The following PLCH2 variants were observed in gnomAD, a reference collection of about 807,000 sequenced individuals.
The protein encoded by PLCH2 is phospholipase C eta 2.
A neutral mutation model predicts 134.7 loss-of-function variants in PLCH2; 98 were observed. That is an observed-to-expected ratio of 0.73 (90% CI 0.62 to 0.86). The LOEUF is 0.86. PLCH2 is among the 40% of genes least tolerant of loss of function. The pLI is 0.00. For missense variants in PLCH2, 1,994 were observed against 1,986.6 expected, an observed-to-expected ratio of 1.00 and a Z score of -0.07; for synonymous variants, 974 against 827.5, an observed-to-expected ratio of 1.18 and a Z score of -3.04.
exon 1 of PLCH2, chr1:2,467,615 C>T (rs1335746178): frequency 7.3e-6 from 3 of 411,582 alleles, no homozygotes; most frequent in South Asian, 1.6e-4. Flanking sequence ...TGGCACCCGC[C>T]GGCCATGGAA....
At chr1:2,467,598 C>T in exon 1 of PLCH2, 1 of 409,262 alleles carries the variant, frequency 2.4e-6, no homozygotes, top group Non-Finnish European at 4.3e-6. Context: ...GTGCCGGTAA[C>T]TGGGATTGGC....
At chr1:2,417,262 C>T in the PLCH2 span, among the ~76,000 whole-genome samples, 1 of 152,102 alleles carries the variant, frequency 6.6e-6, no homozygotes, top group Admixed American at 6.5e-5. Context: ...AACCAAGGGT[C>T]CCCCAAAAAG....
chr1:2,453,307 A>T (rs1640334876), intron 2 of PLCH2, among the ~76,000 whole-genome samples: 1 of 151,832 alleles, frequency 6.6e-6, no homozygotes, highest in East Asian at 1.9e-4. Context: ...GGAGGTGAAG[A>T]CCCCTGAGGC....
upstream of PLCH2, among the ~76,000 whole-genome samples, chr1:2,421,048 G>A (rs753869170): frequency 6.6e-6 from 1 of 150,982 alleles, no homozygotes; most frequent in African/African-American, 2.4e-5. Flanking sequence ...GGGTTCAATC[G>A]ATTTTCCTGC....
At chr1:2,489,947 G>A (rs182595061) in intron 10 of PLCH2, 80 bp downstream of exon 10, 11 of 1,063,828 alleles carry the variant, frequency 1.0e-5, no homozygotes, top group South Asian at 1.3e-5. Context: ...CTGTTGGGGC[G>A]AGTTAGAAAG....
At chr1:2,497,967 G>A in intron 16 of PLCH2, 1 of 291,490 alleles carries the variant, frequency 3.4e-6, no homozygotes, top group Non-Finnish European at 6.4e-6. Flanking sequence ...CTGGGTCTGG[G>A]CTGGGTGTTT....
intron 2 of PLCH2, among the ~76,000 whole-genome samples, chr1:2,459,554 TG>T (rs1640696482): frequency 7.5e-6 from 1 of 133,838 alleles, no homozygotes; most frequent in Non-Finnish European, 1.6e-5. Context: ...TCCTCCTTCC[TG>T]GTGGTCCTCC....
chr1:2,505,345 G>C lies in PLCH2; in HGVS notation c.*132G>C. 3.1e-6 allele frequency: 2 copies of C among 652,966 alleles called. No individual in the cohort carries two copies. The highest frequency in any genetic ancestry group is 5.1e-6 in the Non-Finnish European group (2 of 393,528). The allele number at this position is 652,966 out of a possible 1,614,324, so 40.4% of individuals were successfully genotyped here. On this transcript the variant is annotated 3_prime_UTR_variant, in exon 22 of 22. Transcript: ENST00000378486. ...GCTGCCCTGTGTCCCCTCCACCCCTGCCTCCCTCCTGCCCCTGCTCCCGGG... is the reference window on the plus strand; with the variant it reads ...GCTGCCCTGTGTCCCCTCCACCCCTCCCTCCCTCCTGCCCCTGCTCCCGGG...
intron 12 of PLCH2, 91 bp downstream of exon 12, chr1:2,495,039 C>A: frequency 1.1e-6 from 1 of 891,418 alleles, no homozygotes; most frequent in South Asian, 1.6e-5. Context: ...CCCAGTGCCC[C>A]GTGTCCTCCC....
At chr1:2,434,441 T>C (rs1409982561) in intron 2 of PLCH2, among the ~76,000 whole-genome samples, 1 of 152,178 alleles carries the variant, frequency 6.6e-6, no homozygotes, top group Non-Finnish European at 1.5e-5. Context: ...TCCTTATCTG[T>C]CTCCTCAGCT....
intron 1 of PLCH2, among the ~76,000 whole-genome samples, chr1:2,468,758 G>C (rs1557981283): frequency 6.6e-6 from 1 of 152,218 alleles, no homozygotes; most frequent in Non-Finnish European, 1.5e-5. Context: ...CTGCTGGGCA[G>C]ACTGGGGACG....
chr1:2,502,909 C>G, intron 21 of PLCH2: 2 of 717,196 alleles, frequency 2.8e-6, no homozygotes, highest in Non-Finnish European at 5.2e-6. Context: ...TGTTCTCCGC[C>G]GGTAAGCCCC....
rs928723107 is a variant in PLCH2 at position 2,444,685 on chromosome 1, C to T, written c.115+14056C>T. 6.6e-6 allele frequency among the ~76,000 whole-genome samples: 1 copy of T among 152,154 alleles called. No homozygotes were observed. The highest frequency in any genetic ancestry group is 2.4e-5 in the African/African-American group (1 of 41,428). On this transcript the variant is annotated intron_variant, in intron 2 of 3. Transcript: ENST00000609981. This position sits in a 1 kb window ranked among gnomAD's most constrained non-coding sequence, Gnocchi z 4.6. ...TTCCCCTCCCCTCCGCTCCCCGCCT[C>T]CCACACTGTCTGGTGACACTGGAGG...
chr1:2,504,675 G>A lies in PLCH2; in HGVS notation c.3713G>A (p.Gly1238Asp), dbSNP rs768151035. Residue 1238 changes from glycine to aspartate, a missense_variant, in exon 22 of 22, where the codon GGC (glycine) becomes GAC (aspartate). Transcript: ENST00000378486. ...MAGLPFRPPW[G>D]CLSLVGVQDC... ...GGCCTCCCCTTCCGGCCTCCCTGGG[G>A]CTGCCTTTCCCTGGTGGGCGTGCAG... 2.0e-5 allele frequency: 32 copies of A among 1,612,488 alleles called. No individual in the cohort carries two copies. The highest frequency in any genetic ancestry group is 2.5e-5 in the Non-Finnish European group (30 of 1,179,812).
chr1:2,445,142 C>T (rs1427363926), intron 2 of PLCH2, among the ~76,000 whole-genome samples: 4 of 152,128 alleles, frequency 2.6e-5, no homozygotes, highest in African/African-American at 7.2e-5. Flanking sequence ...CCACATTCTC[C>T]GCACTGCCCT....
chr1:2,462,919 C>A (rs921730158), upstream of PLCH2, among the ~76,000 whole-genome samples: 1 of 152,196 alleles, frequency 6.6e-6, no homozygotes, highest in South Asian at 2.1e-4. Context: ...AGTTTCCTAA[C>A]CGAAGCCGTA....
chr1:2,471,854 C>T (rs528423859), upstream of PLCH2, among the ~76,000 whole-genome samples: 5 of 152,324 alleles, frequency 3.3e-5, no homozygotes, highest in Non-Finnish European at 5.9e-5. Context: ...GCTCCCCTGC[C>T]GAGCTGGGTA....
At position 2,504,039 on chromosome 1, in the gene PLCH2, C is replaced by T. The variant is rs1285745272; in HGVS notation, c.3077C>T (p.Ser1026Phe). ...PPPPAAVPTS[S>F]SQGRPPYPTG... ...CCACCAGCGGCTGTCCCCACCAGCT[C>T]TTCTCAGGGACGGCCCCCATACCCC... Residue 1026 changes from serine to phenylalanine, a missense_variant, in exon 22 of 22, where the codon TCT becomes TTT. Coordinates refer to ENST00000378486, the MANE Select transcript of PLCH2 (RefSeq NM_014638.4). 1.9e-6 allele frequency: 3 copies of T among 1,544,848 alleles called. No individual in the cohort carries two copies. Among genetic ancestry groups the T allele is most frequent in the South Asian group, 2.4e-5 (2 of 83,798 alleles).
chr1:2,451,939 G>T (rs752234220), intron 2 of PLCH2, among the ~76,000 whole-genome samples: 1 of 152,226 alleles, frequency 6.6e-6, no homozygotes, highest in Non-Finnish European at 1.5e-5. Flanking sequence ...CACGTTCTGA[G>T]CCCCGGGATC....
Sources: gnomAD v4.1 joint callset for allele counts (sites outside exome capture counted in the v4.1 genomes callset) on GRCh38, gnomAD v4.1.1 for gene constraint, Gnocchi (gnomAD v3.1) non-coding constraint, MANE v1.5 for transcripts, NCBI Gene and HGNC (gene_info 2026-07-23, HGNC 2026-07-21) for gene names.